Variants in DROSHA observed in about 807,000 individuals in gnomAD.
DROSHA encodes ribonuclease 3.
In DROSHA, 56 loss-of-function variants were observed where a neutral mutation model predicts 181.9. That is an observed-to-expected ratio of 0.31 (90% CI 0.25 to 0.38). The LOEUF (loss-of-function observed/expected upper bound fraction) is 0.38. Ranked by LOEUF, DROSHA falls within the 10% of genes least tolerant of loss-of-function variation. DROSHA has a pLI of 1.00. For missense variants in DROSHA, 1,218 were observed against 1,743.5 expected, an observed-to-expected ratio of 0.70 and a Z score of 5.37; for synonymous variants, 524 against 591.2, an observed-to-expected ratio of 0.89 and a Z score of 1.65.
intron 21 of DROSHA, among the ~76,000 whole-genome samples, chr5:31,450,910 C>G (rs927923274): frequency 1.3e-5 from 2 of 151,978 alleles, no homozygotes; most frequent in African/African-American, 4.8e-5. Flanking sequence ...CATAAAAATC[C>G]ACATCTTTAG....
chr5:31,415,713 G>A (rs528467820), intron 30 of DROSHA, among the ~76,000 whole-genome samples: 9 of 152,270 alleles, frequency 5.9e-5, no homozygotes, highest in South Asian at 2.1e-4. Flanking sequence ...CAGCAGGCAC[G>A]GAGATTAGCA....
intron 16 of DROSHA, among the ~76,000 whole-genome samples, chr5:31,473,579 C>A (rs1750002790): frequency 6.6e-6 from 1 of 152,144 alleles, no homozygotes; most frequent in South Asian, 2.1e-4. Flanking sequence ...GCTTCTACTG[C>A]AGTAGAAAGA....
intron 14 of DROSHA, among the ~76,000 whole-genome samples, chr5:31,486,223 A>C (rs1390565006): frequency 6.6e-6 from 1 of 152,194 alleles, no homozygotes; most frequent in African/African-American, 2.4e-5. Flanking sequence ...CCTACGTAAA[A>C]GAAACTAGAA....
intron 9 of DROSHA, among the ~76,000 whole-genome samples, chr5:31,510,063 A>AAAAAAAG (rs1554045123): frequency 4.3e-5 from 6 of 139,852 alleles, no homozygotes; most frequent in Admixed American, 7.1e-5. Context: ...AAAAAAAAAA[A>AAAAAAAG]AACAGACCTA....
intron 30 of DROSHA, among the ~76,000 whole-genome samples, chr5:31,420,526 C>T (rs946099201): frequency 3.3e-5 from 5 of 152,162 alleles, no homozygotes; most frequent in Admixed American, 3.3e-4. Context: ...GCATAGGGAC[C>T]ATTTCACTTT....
Position 31,495,300 on chromosome 5 carries a change from G to A in DROSHA, c.1741C>T (p.Pro581Ser). 6.2e-7 allele frequency: 1 copy of A among 1,613,750 alleles called. No homozygotes were observed. Among genetic ancestry groups the A allele is most frequent in the Non-Finnish European group, 8.5e-7 (1 of 1,179,798 alleles). Residue 581 changes from proline to serine, a missense_variant, in exon 12 of 36, where the codon CCT becomes TCT. Pro to Ser is a moderately conservative substitution (Grantham distance 74). This residue lies in a region of DROSHA where 460 missense variants were observed against 774.2 expected (regional missense o/e 0.59). Coordinates refer to ENST00000344624, the MANE Select transcript of DROSHA (RefSeq NM_001382508.1). ...LFHYRITVSP[P>S]TNFLTDRPTV... ...TAGAAACTTACTAAAAAGTTCGTAG[G>A]CGGGGAGACTGTGATCCGGTAGTGG...
chr5:31,493,275 T>C lies in DROSHA; in HGVS notation c.1774A>G (p.Ile592Val), dbSNP rs1162402673. ...TNFLTDRPTV[I>V]EYDDHEYIFE... ...ATATACTCGTGATCATCGTATTCTA[T>C]AACAGTTGGCCTGTCAGTCTAAAAG... is the stretch of plus-strand genomic sequence containing the variant. The change falls in exon 13 of 36, where the codon ATA (isoleucine) becomes GTA (valine). Residue 592 changes from isoleucine (I) to valine (V), a missense_variant. Transcript: ENST00000344624. 6.2e-7 allele frequency: 1 copy of C among 1,602,564 alleles called. No homozygotes were observed. The highest frequency in any genetic ancestry group is 1.3e-5 in the African/African-American group (1 of 74,822).
chr5:31,410,219 C>T (rs2149987742), intron 31 of DROSHA, among the ~76,000 whole-genome samples: 1 of 152,160 alleles, frequency 6.6e-6, no homozygotes, highest in South Asian at 2.1e-4. Flanking sequence ...TGAAGTAATA[C>T]AAACAATACA....
At chr5:31,467,492 C>G (rs2150026483) in intron 18 of DROSHA, 1 of 152,218 alleles carries the variant, frequency 6.6e-6, no homozygotes, top group African/African-American at 2.4e-5. Context: ...ACGGCTCCTA[C>G]TTCCAACACA....
intron 25 of DROSHA, 119 bp downstream of exon 25, chr5:31,435,646 G>A: frequency 1.1e-6 from 1 of 877,712 alleles, no homozygotes; most frequent in South Asian, 1.8e-5. Context: ...TTCCTGGTCT[G>A]TAAAATATTA....
intron 14 of DROSHA, among the ~76,000 whole-genome samples, chr5:31,485,650 A>C (rs75641626): frequency 1.3e-5 from 2 of 149,438 alleles, no homozygotes; most frequent in African/African-American, 2.5e-5. Context: ...AAAAAAAAAA[A>C]CCCTTCTAAA....
At position 31,470,452 on chromosome 5, in the gene DROSHA, G is replaced by T. The variant is rs1377010378; in HGVS notation, c.2241+1611C>A. Among the ~76,000 whole-genome samples, 2 of 151,270 alleles carry T rather than the reference G, an allele frequency of 1.3e-5. No individual in the cohort carries two copies. Among genetic ancestry groups the T allele is most frequent in the African/African-American group, 4.9e-5 (2 of 41,102 alleles). Reference sequence around the variant, plus strand: ...TTAGTTTGGTGCAAAAATAGTTGCGGTATGGCAGACCCCCGCAACTACTTT... The same window carrying T: ...TTAGTTTGGTGCAAAAATAGTTGCGTTATGGCAGACCCCCGCAACTACTTT... On this transcript the variant is annotated intron_variant, in intron 17 of 35. Coordinates refer to ENST00000344624, the MANE Select transcript of DROSHA (RefSeq NM_001382508.1). The surrounding 1 kb of genome is among the most constrained non-coding windows in gnomAD (Gnocchi z 4.0).
At chr5:31,413,398 C>G (rs1253701950) in intron 30 of DROSHA, among the ~76,000 whole-genome samples, 3 of 152,188 alleles carry the variant, frequency 2.0e-5, no homozygotes, top group African/African-American at 7.2e-5. Flanking sequence ...TGCTCTTTAC[C>G]TAGACAAGAA....
At chr5:31,464,418 A>G in intron 19 of DROSHA, 75 bp from the exon 20 acceptor site, 1 of 1,337,040 alleles carries the variant, frequency 7.5e-7, no homozygotes, top group Non-Finnish European at 1.1e-6. Context: ...AGCATTAGAA[A>G]ATAAGTTGGA....
chr5:31,478,653 G>C (rs999189816), intron 16 of DROSHA, among the ~76,000 whole-genome samples: 1 of 152,200 alleles, frequency 6.6e-6, no homozygotes, highest in Non-Finnish European at 1.5e-5. Flanking sequence ...AGAATCGCTT[G>C]AACCCGGGAG....
At chr5:31,499,627 A>C (rs4867343) in intron 11 of DROSHA, among the ~76,000 whole-genome samples, 50,000 of 152,068 alleles carry the variant, frequency 0.33, 8,475 homozygotes, top group East Asian at 0.58. Context: ...GCTGTCGCTA[A>C]GCACCAGTGA....
At chr5:31,441,654 A>G (rs914307779) in intron 23 of DROSHA, among the ~76,000 whole-genome samples, 4 of 152,164 alleles carry the variant, frequency 2.6e-5, no homozygotes, top group African/African-American at 9.7e-5. Flanking sequence ...AGAAAACATC[A>G]AGGAATAGAG....
At chr5:31,447,123 G>C (rs1746405515) in intron 23 of DROSHA, among the ~76,000 whole-genome samples, 2 of 152,132 alleles carry the variant, frequency 1.3e-5, no homozygotes. Context: ...GCAGGGACAT[G>C]GATAGAGCTG....
intron 13 of DROSHA, among the ~76,000 whole-genome samples, chr5:31,492,345 A>G (rs1208723468): frequency 6.6e-6 from 1 of 152,242 alleles, no homozygotes. Context: ...AAGCTAAGGC[A>G]AAGATTTGAG....
Sources: allele counts gnomAD v4.1 joint callset (sites outside exome capture counted in the v4.1 genomes callset), GRCh38; gene constraint gnomAD v4.1.1; regional missense constraint gnomAD v4.1.1; non-coding constraint Gnocchi (gnomAD v3.1); transcripts MANE v1.5; gene names NCBI Gene and HGNC (gene_info 2026-07-23, HGNC 2026-07-21).